The following TAFA1 variants were observed in gnomAD, a reference collection of about 807,000 sequenced individuals.
TAFA1 encodes the protein chemokine-like protein TAFA-1.
A neutral mutation model predicts 18.5 loss-of-function variants in TAFA1; 4 were observed. The observed-to-expected ratio is 0.22, with a 90% CI of 0.11 to 0.49. The LOEUF is 0.49. TAFA1 is among the 20% of genes least tolerant of loss of function. The pLI is 0.98. For synonymous variants in TAFA1, 56 were observed against 55.2 expected, an observed-to-expected ratio of 1.01 and a Z score of -0.06; for missense variants, 147 against 169.0, an observed-to-expected ratio of 0.87 and a Z score of 0.72.
At chr3:68,133,427 G>A (rs2065567476) in intron 2 of TAFA1, among the ~76,000 whole-genome samples, 1 of 152,056 alleles carries the variant, frequency 6.6e-6, no homozygotes, top group South Asian at 2.1e-4. Flanking sequence ...GCTTGATGAG[G>A]ATAGCATTGA....
At chr3:68,227,656 A>G (rs1375565543) in intron 2 of TAFA1, among the ~76,000 whole-genome samples, 1 of 152,220 alleles carries the variant, frequency 6.6e-6, no homozygotes, top group Non-Finnish European at 1.5e-5. Context: ...TGGAAAATAT[A>G]ATGCTGACCA....
rs2071753290 is a variant in TAFA1, at chr3:68,460,435, A to G, written c.259+43015A>G. ...TTTTATTTTTTTAATACTGCCACTC[A>G]GGTCCAGGGGAGAGACAGACTTTTA... On this transcript the variant is annotated intron_variant, in intron 3 of 4. Coordinates refer to ENST00000478136, the MANE Select transcript of TAFA1 (RefSeq NM_213609.4). 2.6e-5 allele frequency among the ~76,000 whole-genome samples: 4 copies of G among 152,296 alleles called. No homozygotes were observed. The South Asian group carries it at 8.3e-4, about 32-fold the overall frequency.
intron 3 of TAFA1, among the ~76,000 whole-genome samples, chr3:68,509,965 C>T (rs2072820884): frequency 6.6e-6 from 1 of 152,102 alleles, no homozygotes; most frequent in Non-Finnish European, 1.5e-5. Flanking sequence ...AAGAAAGACT[C>T]ATGTTATATG....
intron 2 of TAFA1, among the ~76,000 whole-genome samples, chr3:68,128,594 T>A (rs923384430): frequency 6.6e-6 from 1 of 152,166 alleles, no homozygotes; most frequent in African/African-American, 2.4e-5. Context: ...CATGCAGAAC[T>A]GTTGCACCTG....
chr3:68,223,470 A>T (rs986112121), intron 2 of TAFA1, among the ~76,000 whole-genome samples: 1 of 152,024 alleles, frequency 6.6e-6, no homozygotes, highest in Non-Finnish European at 1.5e-5. Flanking sequence ...TTTTCAGAAT[A>T]TGTGTGTGTG....
chr3:68,053,669 T>C (rs2064499721), intron 2 of TAFA1, among the ~76,000 whole-genome samples: 1 of 152,052 alleles, frequency 6.6e-6, no homozygotes, highest in Admixed American at 6.6e-5. Flanking sequence ...CACAAAAAAA[T>C]GAGAAATCGG....
chr3:68,534,103 G>A lies in TAFA1; in HGVS notation c.260-4653G>A, dbSNP rs2073233812. On this transcript the variant is annotated intron_variant, in intron 3 of 4. Coordinates refer to ENST00000478136, the MANE Select transcript of TAFA1 (RefSeq NM_213609.4). Reference sequence around the variant, plus strand: ...GAAGTAGCCCCCAAATCTGTCTCTAGTGGAGACGATTTGCATCTGTAGAGG... The same window carrying A: ...GAAGTAGCCCCCAAATCTGTCTCTAATGGAGACGATTTGCATCTGTAGAGG... 2.0e-5 allele frequency among the ~76,000 whole-genome samples: 3 copies of A among 152,236 alleles called. No homozygotes were observed. The South Asian group carries it at 6.2e-4, about 32-fold the overall frequency.
intron 2 of TAFA1, among the ~76,000 whole-genome samples, chr3:68,271,142 C>G (rs757541941): frequency 7.2e-5 from 11 of 152,130 alleles, no homozygotes; most frequent in Non-Finnish European, 1.6e-4. Context: ...CCCCTTCCCC[C>G]TTCCTCTCTT....
chr3:67,995,700 G>A, the TAFA1 span, among the ~76,000 whole-genome samples: 1 of 152,144 alleles, frequency 6.6e-6, no homozygotes, highest in Non-Finnish European at 1.5e-5. Flanking sequence ...AAGGGGTGGA[G>A]AAAAGAAGAA....
chr3:68,424,428 C>A (rs1032536499), intron 3 of TAFA1, among the ~76,000 whole-genome samples: 26 of 151,982 alleles, frequency 1.7e-4, no homozygotes, highest in Non-Finnish European at 3.8e-4. Context: ...TCCCCAAGAA[C>A]TGTTTGTATT....
intron 3 of TAFA1, among the ~76,000 whole-genome samples, chr3:68,440,828 C>A (rs2071361556): frequency 6.6e-6 from 1 of 152,160 alleles, no homozygotes; most frequent in Non-Finnish European, 1.5e-5. Context: ...AGGTCAGTCA[C>A]CGCAGCCAAC....
chr3:68,276,550 C>G (rs1181278206), intron 2 of TAFA1, among the ~76,000 whole-genome samples: 1 of 152,092 alleles, frequency 6.6e-6, no homozygotes, highest in Non-Finnish European at 1.5e-5. Flanking sequence ...AAATATGTCC[C>G]CTGAGTTGAA....
chr3:68,382,523 T>C (rs1261491002), intron 2 of TAFA1, among the ~76,000 whole-genome samples: 1 of 152,018 alleles, frequency 6.6e-6, no homozygotes, highest in Non-Finnish European at 1.5e-5. Flanking sequence ...AAGATGAGAT[T>C]ATTATCGTTA....
intron 2 of TAFA1, chr3:68,144,896 A>G (rs936065637): frequency 4.5e-6 from 3 of 669,802 alleles, no homozygotes; most frequent in Non-Finnish European, 8.2e-6. Flanking sequence ...TCATCAAAAA[A>G]TTGGAGATAA....
chr3:68,255,590 T>C (rs2067282099), intron 2 of TAFA1, among the ~76,000 whole-genome samples: 2 of 152,152 alleles, frequency 1.3e-5, no homozygotes, highest in Admixed American at 1.3e-4. Flanking sequence ...GTTCAGGTGA[T>C]GCCAGGGTCA....
chr3:68,383,187 T>A (rs2070014944), intron 2 of TAFA1, among the ~76,000 whole-genome samples: 1 of 151,988 alleles, frequency 6.6e-6, no homozygotes, highest in Admixed American at 6.6e-5. Context: ...TTCTTTCTGT[T>A]GTCTGATTTC....
At chr3:68,051,517 G>C (rs952092981) in intron 2 of TAFA1, among the ~76,000 whole-genome samples, 4 of 152,060 alleles carry the variant, frequency 2.6e-5, no homozygotes, top group African/African-American at 9.7e-5. Flanking sequence ...GGCATGTCAT[G>C]GGTAGAGGTC....
intron 3 of TAFA1, among the ~76,000 whole-genome samples, chr3:68,465,247 C>A (rs1237038909): frequency 1.3e-5 from 2 of 152,114 alleles, no homozygotes. Flanking sequence ...CTACTGGGAA[C>A]AACTAGCTTT....
At chr3:68,265,613 G>A (rs1165951381) in intron 2 of TAFA1, among the ~76,000 whole-genome samples, 1 of 152,122 alleles carries the variant, frequency 6.6e-6, no homozygotes, top group Non-Finnish European at 1.5e-5. Flanking sequence ...TGAACTAACT[G>A]GGTTCACCTC....
Sources: gnomAD v4.1 joint callset for allele counts (sites outside exome capture counted in the v4.1 genomes callset) on GRCh38, gnomAD v4.1.1 for gene constraint, MANE v1.5 for transcripts, NCBI Gene and HGNC (gene_info 2026-07-23, HGNC 2026-07-21) for gene names.